Variants in SYNE1 observed in about 807,000 individuals in gnomAD.
SYNE1 encodes the protein spectrin repeat containing nuclear envelope protein 1.
In SYNE1, 616 loss-of-function variants were observed where a neutral mutation model predicts 1,111.0. The ratio of observed to expected loss-of-function variants is 0.55; its 90% CI spans 0.52 to 0.59. The LOEUF is 0.59. Among genes scored for constraint, SYNE1 ranks in the 20% least tolerant of loss-of-function variants. SYNE1 has a pLI of 0.00. For synonymous variants in SYNE1, 3,855 were observed against 3,825.8 expected (o/e 1.01, Z -0.28); for missense variants, 10,006 against 10,417.0 (o/e 0.96, Z 1.72).
intron 16 of SYNE1, among the ~76,000 whole-genome samples, chr6:152,467,274 T>C (rs1257906528): frequency 6.6e-6 from 1 of 152,088 alleles, no homozygotes; most frequent in Non-Finnish European, 1.5e-5. Flanking sequence ...AGTCAGACAA[T>C]AGTATTCTGA....
intron 138 of SYNE1, among the ~76,000 whole-genome samples, chr6:152,142,176 A>G (rs2058668628): frequency 6.6e-6 from 1 of 152,214 alleles, no homozygotes; most frequent in Non-Finnish European, 1.5e-5. Context: ...TATACTTTGC[A>G]TACATGATTT....
chr6:152,169,270 T>G (rs1002647157), intron 130 of SYNE1, among the ~76,000 whole-genome samples: 1 of 152,048 alleles, frequency 6.6e-6, no homozygotes, highest in African/African-American at 2.4e-5. Flanking sequence ...AAACACATTT[T>G]CTTAATAAAA....
chr6:152,398,009 A>G (rs1232473836), intron 49 of SYNE1, among the ~76,000 whole-genome samples: 2 of 152,050 alleles, frequency 1.3e-5, no homozygotes, highest in South Asian at 2.1e-4. Flanking sequence ...TCAAAAAAAA[A>G]AAAAAAGAAA....
intron 13 of SYNE1, among the ~76,000 whole-genome samples, chr6:152,484,093 T>G (rs940662969): frequency 2.1e-4 from 31 of 148,292 alleles, no homozygotes; most frequent in African/African-American, 7.2e-4. Flanking sequence ...ATGCCTGTGG[T>G]CCCAGCTACT....
intron 14 of SYNE1, among the ~76,000 whole-genome samples, chr6:152,478,049 G>A (rs981357460): frequency 6.2e-4 from 94 of 152,206 alleles, no homozygotes; most frequent in Non-Finnish European, 3.7e-4. Flanking sequence ...TTATAAGTAT[G>A]AGCCACCATG....
At chr6:152,523,538 CT>C (rs371788741) in intron 5 of SYNE1, among the ~76,000 whole-genome samples, 52 of 152,122 alleles carry the variant, frequency 3.4e-4, no homozygotes, top group East Asian at 1.2e-3. Context: ...TATTTGGGGT[CT>C]TTTTTGCTTC....
intron 36 of SYNE1, among the ~76,000 whole-genome samples, chr6:152,429,130 C>T (rs935288191): frequency 5.5e-5 from 8 of 146,692 alleles, no homozygotes. Flanking sequence ...TGACACAGTG[C>T]CTCAGAATGT....
At chr6:152,242,648 T>C (rs966941038) in intron 106 of SYNE1, among the ~76,000 whole-genome samples, 2 of 152,176 alleles carry the variant, frequency 1.3e-5, no homozygotes, top group African/African-American at 2.4e-5. Context: ...AAATGACCTT[T>C]GGACCTCTAT....
At chr6:152,252,475 A>G (rs943214356) in intron 104 of SYNE1, among the ~76,000 whole-genome samples, 1 of 152,136 alleles carries the variant, frequency 6.6e-6, no homozygotes, top group African/African-American at 2.4e-5. Context: ...AATTGACTTT[A>G]TTGTGATTCT....
At chr6:152,629,646 G>A (rs941890232) in intron 2 of SYNE1, among the ~76,000 whole-genome samples, 6 of 151,588 alleles carry the variant, frequency 4.0e-5, no homozygotes, top group African/African-American at 1.2e-4. Context: ...CCTAACCCTA[G>A]GTTTAGCTGA....
At chr6:152,471,189 C>G (rs187106680) in intron 16 of SYNE1, among the ~76,000 whole-genome samples, 29 of 152,248 alleles carry the variant, frequency 1.9e-4, no homozygotes, top group Admixed American at 1.6e-3. Flanking sequence ...CCCATTTGGA[C>G]ACTTGAGAAT....
chr6:152,565,447 T>G, intron 3 of SYNE1, among the ~76,000 whole-genome samples: 1 of 152,168 alleles, frequency 6.6e-6, no homozygotes, highest in East Asian at 1.9e-4. Flanking sequence ...AGTATGGACT[T>G]ATTAATACTC....
intron 65 of SYNE1, among the ~76,000 whole-genome samples, chr6:152,358,759 TG>T (rs1478327034): frequency 6.6e-6 from 1 of 152,230 alleles, no homozygotes; most frequent in Admixed American, 6.5e-5. Context: ...ATTAACTACA[TG>T]ATCTCTGAAC....
chr6:152,260,031 A>G (rs1282800061), intron 101 of SYNE1, among the ~76,000 whole-genome samples: 3 of 152,194 alleles, frequency 2.0e-5, no homozygotes, highest in Admixed American at 2.0e-4. Context: ...GTCGGCTCCA[A>G]CTGAGAGCAA....
intron 101 of SYNE1, 57 bp from the exon 102 acceptor site, chr6:152,256,822 T>C: frequency 6.2e-7 from 1 of 1,606,518 alleles, no homozygotes; most frequent in South Asian, 1.1e-5. Flanking sequence ...CCCAGTATTC[T>C]CATTTGGAAA....
intron 98 of SYNE1, among the ~76,000 whole-genome samples, chr6:152,269,665 T>C (rs1247488696): frequency 6.6e-6 from 1 of 152,176 alleles, no homozygotes; most frequent in Non-Finnish European, 1.5e-5. Flanking sequence ...AAATGATCAT[T>C]ACCCACAATA....
intron 3 of SYNE1, among the ~76,000 whole-genome samples, chr6:152,556,000 G>T (rs535606418): frequency 6.6e-6 from 1 of 152,278 alleles, no homozygotes; most frequent in East Asian, 1.9e-4. Context: ...AAACTTGAGT[G>T]CATCTGATTA....
At chr6:152,550,410 T>G (rs879760365) in intron 3 of SYNE1, among the ~76,000 whole-genome samples, 4 of 152,082 alleles carry the variant, frequency 2.6e-5, no homozygotes, top group Non-Finnish European at 4.4e-5. Context: ...AATATTACAA[T>G]TTACCAAATT....
At chr6:152,221,665 T>C (rs1313832976) in intron 117 of SYNE1, 106 bp from the exon 118 acceptor site, 12 of 1,426,768 alleles carry the variant, frequency 8.4e-6, no homozygotes, top group Admixed American at 3.4e-5. Flanking sequence ...CATATACTTG[T>C]ATAAACCAGG....
Sources: allele counts gnomAD v4.1 joint callset (sites outside exome capture counted in the v4.1 genomes callset), GRCh38; gene constraint gnomAD v4.1.1; transcripts MANE v1.5; gene names NCBI Gene and HGNC (gene_info 2026-07-23, HGNC 2026-07-21).